Variants in TRHR observed in about 807,000 individuals in gnomAD.
TRHR encodes thyrotropin-releasing hormone receptor.
In TRHR, 14 loss-of-function variants were observed where a neutral mutation model predicts 28.0. The ratio of observed to expected loss-of-function variants is 0.50; its 90% CI spans 0.33 to 0.78. TRHR has a LOEUF of 0.78. Ranked by LOEUF, TRHR falls within the 30% of genes least tolerant of loss-of-function variation. The pLI is 0.02. For missense variants in TRHR, 438 were observed against 469.5 expected (o/e 0.93, Z 0.62); for synonymous variants, 176 against 171.9 (o/e 1.02, Z -0.18).
chr8:109,088,330 A>G, intron 2 of TRHR, 29 bp downstream of exon 2: 1 of 1,609,688 alleles, frequency 6.2e-7, no homozygotes, highest in Non-Finnish European at 8.5e-7. Context: ...CCAAGTCAAT[A>G]GAGGAAATGT....
intron 2 of TRHR, among the ~76,000 whole-genome samples, chr8:109,108,099 C>T (rs4130682): frequency 0.39 from 59,255 of 151,860 alleles, 11,805 homozygotes; most frequent in Admixed American, 0.5. Context: ...CTGTCTCCCT[C>T]GGGAGACACA....
At chr8:109,105,746 T>C (rs1811740654) in intron 2 of TRHR, among the ~76,000 whole-genome samples, 1 of 152,160 alleles carries the variant, frequency 6.6e-6, no homozygotes, top group African/African-American at 2.4e-5. Context: ...TGAATCCATA[T>C]GTTTTCCTAA....
At chr8:109,090,405 G>GT (rs1231630545) in intron 2 of TRHR, among the ~76,000 whole-genome samples, 2 of 152,190 alleles carry the variant, frequency 1.3e-5, no homozygotes, top group Admixed American at 6.5e-5. Flanking sequence ...TCTTTAAGGA[G>GT]TTTTTTTAAA....
In TRHR at chr8:109,119,955, A is replaced by T. The variant is rs570250081; in HGVS notation, c.*500A>T. On this transcript the variant is annotated 3_prime_UTR_variant, in exon 3 of 3. Transcript: ENST00000518632. Reference sequence around the variant, plus strand: ...TTAAAGGGAAAAATATTACAGAAACATTTTATTTATTGAGTAAAAATAAGA... The same window carrying T: ...TTAAAGGGAAAAATATTACAGAAACTTTTTATTTATTGAGTAAAAATAAGA... 9.2e-5 allele frequency among the ~76,000 whole-genome samples: 14 copies of T among 152,020 alleles called. No individual in the cohort carries two copies. Among genetic ancestry groups the T allele is most frequent in the African/African-American group, 3.1e-4 (13 of 41,538 alleles).
At chr8:109,097,061 C>T (rs1221520747) in intron 2 of TRHR, among the ~76,000 whole-genome samples, 2 of 152,052 alleles carry the variant, frequency 1.3e-5, no homozygotes, top group Non-Finnish European at 2.9e-5. Flanking sequence ...GGAAGATTTC[C>T]CCCTCCAAAT....
intron 2 of TRHR, among the ~76,000 whole-genome samples, chr8:109,092,548 T>C (rs551873948): frequency 1.3e-5 from 2 of 152,176 alleles, no homozygotes; most frequent in Admixed American, 1.3e-4. Flanking sequence ...GAGATTCTTC[T>C]GCCTCAGCCC....
intron 2 of TRHR, among the ~76,000 whole-genome samples, chr8:109,109,998 C>T (rs1283281959): frequency 1.3e-5 from 2 of 152,114 alleles, no homozygotes; most frequent in African/African-American, 2.4e-5. Flanking sequence ...AGCTTTATGT[C>T]ATCCTGTAAC....
At chr8:109,093,116 A>C (rs1237044841) in intron 2 of TRHR, among the ~76,000 whole-genome samples, 1 of 152,146 alleles carries the variant, frequency 6.6e-6, no homozygotes. Context: ...TCAATAAAAC[A>C]GGAAAAATAA....
chr8:109,101,459 C>T (rs1811675721), intron 2 of TRHR, among the ~76,000 whole-genome samples: 1 of 152,130 alleles, frequency 6.6e-6, no homozygotes, highest in Non-Finnish European at 1.5e-5. Context: ...AACTTACAAC[C>T]TTGAGCCTCA....
chr8:109,093,364 CT>C (rs1016090867), intron 2 of TRHR, among the ~76,000 whole-genome samples: 31 of 150,292 alleles, frequency 2.1e-4, no homozygotes, highest in Admixed American at 1.9e-3. Flanking sequence ...GTCTTCTCCC[CT>C]GCCTCACTCC....
At chr8:109,088,584 A>G (rs773345325) in intron 2 of TRHR, among the ~76,000 whole-genome samples, 17 of 152,166 alleles carry the variant, frequency 1.1e-4, no homozygotes, top group Admixed American at 4.6e-4. Context: ...CACCTTTAAT[A>G]TGTTTATGCC....
At chr8:109,100,428 T>C (rs894044611) in intron 2 of TRHR, among the ~76,000 whole-genome samples, 2 of 151,792 alleles carry the variant, frequency 1.3e-5, no homozygotes, top group East Asian at 1.9e-4. Flanking sequence ...TATCCTGGAA[T>C]TAAGCATGGT....
chr8:109,090,118 A>T (rs545457873), intron 2 of TRHR, among the ~76,000 whole-genome samples: 1 of 152,338 alleles, frequency 6.6e-6, no homozygotes, highest in African/African-American at 2.4e-5. Context: ...CAAACTCTAT[A>T]AACTTGGATA....
chr8:109,088,854 C>T (rs959154231), intron 2 of TRHR, among the ~76,000 whole-genome samples: 3 of 152,162 alleles, frequency 2.0e-5, no homozygotes, highest in Non-Finnish European at 4.4e-5. Context: ...TCACCCTCTC[C>T]TCCAGCTCCC....
intron 2 of TRHR, among the ~76,000 whole-genome samples, chr8:109,104,536 G>A (rs1297965995): frequency 6.6e-6 from 1 of 152,012 alleles, no homozygotes; most frequent in Admixed American, 6.6e-5. Context: ...TAGTCATTAT[G>A]AAGATTTGAA....
intron 2 of TRHR, among the ~76,000 whole-genome samples, chr8:109,096,615 G>T (rs1031995169): frequency 6.6e-6 from 1 of 152,126 alleles, no homozygotes; most frequent in African/African-American, 2.4e-5. Context: ...CCCCAACTCC[G>T]CATTCAGTGC....
At chr8:109,095,211 A>G (rs1426078892) in intron 2 of TRHR, among the ~76,000 whole-genome samples, 2 of 152,084 alleles carry the variant, frequency 1.3e-5, no homozygotes, top group African/African-American at 4.8e-5. Flanking sequence ...GTCTTCAAGG[A>G]GCTTAATATG....
chr8:109,092,840 C>T (rs1009872237), intron 2 of TRHR, among the ~76,000 whole-genome samples: 1 of 152,028 alleles, frequency 6.6e-6, no homozygotes. Flanking sequence ...ATATAGAAAA[C>T]TAGGAATAGG....
chr8:109,104,228 C>T (rs961169003), intron 2 of TRHR, among the ~76,000 whole-genome samples: 11 of 152,024 alleles, frequency 7.2e-5, no homozygotes, highest in African/African-American at 2.7e-4. Context: ...AAACACAATT[C>T]CAAAAATTAA....
Sources: gnomAD v4.1 joint callset for allele counts (sites outside exome capture counted in the v4.1 genomes callset) on GRCh38, gnomAD v4.1.1 for gene constraint, MANE v1.5 for transcripts, NCBI Gene and HGNC (gene_info 2026-07-23, HGNC 2026-07-21) for gene names.